The following ZNF33A variants were observed in gnomAD, a reference collection of about 807,000 sequenced individuals.
ZNF33A encodes brain my041 protein.
ZNF33A carries 9 observed loss-of-function variants against 15.9 expected under a neutral mutation model. That is an observed-to-expected ratio of 0.57 (90% CI 0.34 to 0.99). ZNF33A has a LOEUF of 0.99. Ranked by LOEUF, ZNF33A falls within the 50% of genes least tolerant of loss-of-function variation. The pLI is 0.02. For missense variants in ZNF33A, 843 were observed against 941.6 expected (o/e 0.90, Z 1.37); for synonymous variants, 294 against 324.2 (o/e 0.91, Z 1.00).
chr10:38,010,609 G>C (rs751963064), upstream of ZNF33A: 21 of 1,163,170 alleles, frequency 1.8e-5, no homozygotes, highest in Admixed American at 1.3e-4. Context: ...TTTCCAGGTA[G>C]GGCGCCAACA....
intron 2 of ZNF33A, among the ~76,000 whole-genome samples, chr10:38,014,887 C>T (rs2472153): frequency 0.22 from 32,937 of 151,954 alleles, 3,752 homozygotes; most frequent in East Asian, 0.4. Flanking sequence ...GGAAGAATTA[C>T]TTACCTTTTT....
chr10:38,060,222 G>A (rs1216688943), downstream of ZNF33A, among the ~76,000 whole-genome samples: 1 of 152,018 alleles, frequency 6.6e-6, no homozygotes, highest in Non-Finnish European at 1.5e-5. Flanking sequence ...AGTATTTTTG[G>A]TTCTCTTGAC....
intron 4 of ZNF33A, among the ~76,000 whole-genome samples, chr10:38,040,148 C>T (rs2065631432): frequency 6.6e-6 from 1 of 151,384 alleles, no homozygotes; most frequent in South Asian, 2.1e-4. Context: ...ATAATTTGTG[C>T]ATGTTTGTGC....
downstream of ZNF33A, chr10:38,064,129 G>A (rs370637460): frequency 1.3e-5 from 20 of 1,595,100 alleles, no homozygotes; most frequent in South Asian, 9.9e-5. Context: ...CCCCTGCAGT[G>A]CTGGAAGAAG....
rs1564877940 is a variant in ZNF33A, at chr10:38,055,011, T to A, written c.887T>A (p.Val296Glu). 1 of 1,614,066 alleles carries A rather than the reference T, an allele frequency of 6.2e-7. No individual in the cohort carries two copies. Among genetic ancestry groups the A allele is most frequent in the East Asian group, 2.2e-5 (1 of 44,874 alleles). The change falls in exon 5 of 5, where the codon GTA becomes GAA. Residue 296 changes from valine (V) to glutamate (E), a missense_variant. Transcript: ENST00000432900. ...TCCACCCTTTCTAAACCTCATGGGG[T>A]ATCTATGAAACACTATGATTGTGGT... is the stretch of plus-strand genomic sequence containing the variant. ...VKSTLSKPHG[V>E]SMKHYDCGES...
downstream of ZNF33A, chr10:38,064,131 T>C (rs1192664823): frequency 1.9e-6 from 3 of 1,595,126 alleles, no homozygotes; most frequent in African/African-American, 1.3e-5. Flanking sequence ...CCTGCAGTGC[T>C]GGAAGAAGAG....
chr10:38,049,534 T>G (rs2066101889), intron 4 of ZNF33A, among the ~76,000 whole-genome samples: 1 of 152,166 alleles, frequency 6.6e-6, no homozygotes, highest in South Asian at 2.1e-4. Flanking sequence ...TATAATGTAT[T>G]ATGTGTAATG....
intron 4 of ZNF33A, among the ~76,000 whole-genome samples, chr10:38,032,072 G>A (rs996744030): frequency 4.6e-5 from 7 of 152,026 alleles, no homozygotes; most frequent in Non-Finnish European, 5.9e-5. Flanking sequence ...CTCTTGTATC[G>A]CCAGTTTTAC....
intron 4 of ZNF33A, among the ~76,000 whole-genome samples, chr10:38,023,872 C>T (rs1466684087): frequency 6.6e-6 from 1 of 152,070 alleles, no homozygotes; most frequent in Non-Finnish European, 1.5e-5. Flanking sequence ...TAGAAAAAAA[C>T]CTCAGGCCAG....
Position 38,028,216 on chromosome 10 carries a change from C to T in ZNF33A, c.250+10830C>T, listed in dbSNP as rs532522451. Reference sequence around the variant, plus strand: ...CCAGGAAGTCAAGGCTGCAGTGAGTCATGTTTGTGTCACTGCACTCCAGCC... The same window carrying T: ...CCAGGAAGTCAAGGCTGCAGTGAGTTATGTTTGTGTCACTGCACTCCAGCC... On this transcript the variant is annotated intron_variant, in intron 4 of 4. Coordinates refer to ENST00000432900, the MANE Select transcript of ZNF33A (RefSeq NM_006954.2). 3.3e-5 allele frequency among the ~76,000 whole-genome samples: 5 copies of T among 152,090 alleles called. No individual in the cohort carries two copies. In the East Asian group the frequency reaches 9.7e-4, roughly 29 times the overall value.
intron 4 of ZNF33A, among the ~76,000 whole-genome samples, chr10:38,046,593 A>C (rs2065956486): frequency 6.6e-6 from 1 of 152,224 alleles, no homozygotes; most frequent in Non-Finnish European, 1.5e-5. Flanking sequence ...CATCCAACCA[A>C]GTAAAACTCT....
chr10:38,045,814 T>A (rs1333250372), intron 4 of ZNF33A, among the ~76,000 whole-genome samples: 1 of 152,214 alleles, frequency 6.6e-6, no homozygotes, highest in Non-Finnish European at 1.5e-5. Context: ...TCACCCACAC[T>A]CTGCTCTGAA....
At chr10:38,024,159 AAAAC>A in intron 4 of ZNF33A, among the ~76,000 whole-genome samples, 1 of 99,742 alleles carries the variant, frequency 1.0e-5, no homozygotes, top group African/African-American at 3.3e-5. Flanking sequence ...TCTCAAAAAC[AAAAC>A]AAAAAAAAAA....
Position 38,017,028 on chromosome 10 carries a change from C to T in ZNF33A, c.154+13C>T. The T allele has an allele frequency of 6.3e-7, 1 of 1,599,066 alleles. No individual in the cohort carries two copies. Among genetic ancestry groups the T allele is most frequent in the Non-Finnish European group, 8.5e-7 (1 of 1,174,548 alleles). On this transcript the variant is annotated intron_variant, in intron 3 of 4. Coordinates refer to ENST00000432900, the MANE Select transcript of ZNF33A (RefSeq NM_006954.2). ...CTTGTCTCAGTGGGTAAGGTCTGTT[C>T]ACTGTATCATTCTAAATAGCATTTG...
chr10:38,012,433 T>TTTG, intron 2 of ZNF33A, 83 bp downstream of exon 2: 1 of 1,489,154 alleles, frequency 6.7e-7, no homozygotes, highest in Non-Finnish European at 9.1e-7. Context: ...TTGTTTTTTT[T>TTTG]TTTTTTTTTT....
At chr10:38,047,170 C>T (rs1294530725) in intron 4 of ZNF33A, among the ~76,000 whole-genome samples, 1 of 122,362 alleles carries the variant, frequency 8.2e-6, no homozygotes, top group East Asian at 2.3e-4. Context: ...TGGAGTGAGA[C>T]CGTCTCCCCC....
At chr10:38,028,330 T>C (rs2065067299) in intron 4 of ZNF33A, among the ~76,000 whole-genome samples, 1 of 152,162 alleles carries the variant, frequency 6.6e-6, no homozygotes, top group African/African-American at 2.4e-5. Flanking sequence ...TGCCTTCTGA[T>C]TGGTACATTC....
At chr10:38,015,587 C>T (rs1285319588) in intron 2 of ZNF33A, among the ~76,000 whole-genome samples, 1 of 152,124 alleles carries the variant, frequency 6.6e-6, no homozygotes, top group African/African-American at 2.4e-5. Context: ...TCCCAAAGTG[C>T]TGAGATTACA....
chr10:38,042,956 G>T (rs1254382203), intron 4 of ZNF33A, among the ~76,000 whole-genome samples: 1 of 152,160 alleles, frequency 6.6e-6, no homozygotes, highest in East Asian at 1.9e-4. Flanking sequence ...GGTAGGAAAA[G>T]AAAGGAGAAA....
Sources: allele counts gnomAD v4.1 joint callset (sites outside exome capture counted in the v4.1 genomes callset), GRCh38; gene constraint gnomAD v4.1.1; transcripts MANE v1.5; gene names NCBI Gene and HGNC (gene_info 2026-07-23, HGNC 2026-07-21).